Variants in DMD observed in about 807,000 individuals in gnomAD.
The protein encoded by DMD is mutant dystrophin.
DMD carries 63 observed loss-of-function variants against 330.1 expected under a neutral mutation model. That is an observed-to-expected ratio of 0.19 (90% CI 0.16 to 0.24). The LOEUF (loss-of-function observed/expected upper bound fraction) is 0.24. Ranked by LOEUF, DMD falls within the 10% of genes least tolerant of loss-of-function variation. The pLI, the probability that DMD is intolerant of heterozygous loss-of-function variation, is 1.00. For synonymous variants in DMD, 1,223 were observed against 959.8 expected (o/e 1.27, Z -5.07); for missense variants, 3,344 against 2,684.1 (o/e 1.25, Z -5.43).
chrX:32,862,912 T>C (rs1042570866), intron 2 of DMD, among the ~76,000 whole-genome samples: 7 of 110,534 alleles, frequency 6.3e-5, no homozygotes, highest in African/African-American at 1.6e-4. Flanking sequence ...AATTTTTTTA[T>C]ATTTTTAGTA....
intron 1 of DMD, among the ~76,000 whole-genome samples, chrX:33,172,416 C>T (rs1044708145): frequency 9.0e-6 from 1 of 111,644 alleles, no homozygotes; most frequent in Admixed American, 9.5e-5. Context: ...TCCATTTCCA[C>T]CAATGGAGGT....
intron 60 of DMD, among the ~76,000 whole-genome samples, chrX:31,439,828 T>C (rs1284389547): frequency 8.9e-6 from 1 of 112,079 alleles, no homozygotes; most frequent in Non-Finnish European, 1.9e-5. Context: ...TTTTCTCACC[T>C]GGTTTAGATA....
chrX:31,482,971 A>G (rs2068430776), intron 57 of DMD, among the ~76,000 whole-genome samples: 1 of 108,574 alleles, frequency 9.2e-6, no homozygotes, highest in Non-Finnish European at 1.9e-5. Flanking sequence ...CACCCTAGAT[A>G]TATGTTACGA....
chrX:32,382,628 T>C (rs866256547), intron 33 of DMD, among the ~76,000 whole-genome samples: 1 of 104,823 alleles, frequency 9.5e-6, no homozygotes, highest in Non-Finnish European at 2.0e-5. Flanking sequence ...TTTTTTTTTT[T>C]CCTAAGTAAA....
intron 7 of DMD, among the ~76,000 whole-genome samples, chrX:32,746,997 T>C (rs1490741812): frequency 8.9e-6 from 1 of 112,128 alleles, no homozygotes; most frequent in Non-Finnish European, 1.9e-5. Flanking sequence ...CTTAACAGTA[T>C]CCAGGCTCAT....
chrX:31,703,520 T>C (rs770544060), intron 52 of DMD, among the ~76,000 whole-genome samples: 1 of 112,374 alleles, frequency 8.9e-6, no homozygotes, highest in African/African-American at 3.2e-5. Context: ...CAAAGCCTTG[T>C]TTACGTGCCA....
At chrX:31,169,702 T>A in intron 73 of DMD, 101 bp from the exon 74 acceptor site, 1 of 806,291 alleles carries the variant, frequency 1.2e-6, no homozygotes, top group East Asian at 3.4e-5. Flanking sequence ...ATTTATTTGC[T>A]CTTAACAATT....
intron 2 of DMD, among the ~76,000 whole-genome samples, chrX:32,851,836 C>T (rs1019209289): frequency 2.7e-5 from 3 of 111,803 alleles, no homozygotes; most frequent in Admixed American, 9.5e-5. Context: ...ATTCATCAAG[C>T]GCACATAGAG....
intron 44 of DMD, among the ~76,000 whole-genome samples, chrX:31,988,665 A>G (rs2095528502): frequency 9.1e-6 from 1 of 109,950 alleles, no homozygotes. Flanking sequence ...CATTAACTCC[A>G]TGAAAAATTG....
intron 47 of DMD, among the ~76,000 whole-genome samples, chrX:31,897,492 C>T (rs796263442): frequency 1.0e-5 from 1 of 98,150 alleles, no homozygotes; most frequent in South Asian, 5.2e-4. Context: ...CCTGAGGAAT[C>T]GCCACACCGA....
intron 60 of DMD, among the ~76,000 whole-genome samples, chrX:31,423,552 T>C (rs1428474507): frequency 8.9e-6 from 1 of 111,965 alleles, no homozygotes; most frequent in Non-Finnish European, 1.9e-5. Flanking sequence ...TACTCTTAAT[T>C]ATGAATAAAT....
intron 4 of DMD, among the ~76,000 whole-genome samples, chrX:32,827,621 T>TC (rs1293773000): frequency 9.2e-6 from 1 of 108,956 alleles, no homozygotes; most frequent in African/African-American, 3.4e-5. Context: ...TGTCTGTTGT[T>TC]CCCCACTTTA....
intron 2 of DMD, among the ~76,000 whole-genome samples, chrX:32,861,093 C>T (rs575829751): frequency 2.7e-5 from 3 of 111,851 alleles, no homozygotes; most frequent in African/African-American, 9.7e-5. Context: ...GTAACTTCTC[C>T]GTGCCTTACT....
rs765278373 is a variant in DMD, at chrX:32,626,165, T to G, written c.1332-11712A>C. ...CTGATGAAAATTGGAATTGATTTAT[T>G]TACTTATTCAAAATGATGGCTCAGG... On this transcript the variant is annotated intron_variant, in intron 11 of 78. Coordinates refer to ENST00000357033, the MANE Select transcript of DMD (RefSeq NM_004006.3). Among the ~76,000 whole-genome samples the G allele has an allele frequency of 5.3e-5, 6 of 112,175 alleles. No homozygotes were observed. The South Asian group carries it at 2.2e-3, about 42-fold the overall frequency.
chrX:32,139,856 A>G (rs5972499), intron 44 of DMD, among the ~76,000 whole-genome samples: 11,323 of 112,077 alleles, frequency 0.1, 746 homozygotes, highest in African/African-American at 0.22. Context: ...AGAGACTGTA[A>G]GGGAAAATAG....
intron 1 of DMD, among the ~76,000 whole-genome samples, chrX:33,198,044 GAA>G (rs781212140): frequency 1.6e-4 from 18 of 111,288 alleles, no homozygotes; most frequent in Non-Finnish European, 3.0e-4. Context: ...AGCAATATTA[GAA>G]AGACCCAGTT....
intron 53 of DMD, among the ~76,000 whole-genome samples, chrX:31,677,394 A>G (rs1330725031): frequency 1.8e-5 from 2 of 111,668 alleles, no homozygotes; most frequent in African/African-American, 3.3e-5. Flanking sequence ...CATCTAACTC[A>G]AGGATCCAGT....
rs554598573 is a variant in DMD, at chrX:31,615,923, G to C, written c.8217+11750C>G. On this transcript the variant is annotated intron_variant, in intron 55 of 78. Transcript: ENST00000357033. ...TGAAAATAGTAATAACATAATATTA[G>C]CTATGTTTATTGGGTGCTTACCGTG... Among the ~76,000 whole-genome samples, 16 of 111,809 alleles carry C rather than the reference G, an allele frequency of 1.4e-4. No homozygotes were observed. The South Asian group carries it at 5.6e-3, about 39-fold the overall frequency.
At chrX:31,518,544 T>A (rs1273084328) in intron 55 of DMD, among the ~76,000 whole-genome samples, 2 of 110,612 alleles carry the variant, frequency 1.8e-5, no homozygotes, top group African/African-American at 6.6e-5. Flanking sequence ...TGGTTTTTTA[T>A]ATTATATTTT....
Sources: allele counts gnomAD v4.1 joint callset (sites outside exome capture counted in the v4.1 genomes callset), GRCh38; gene constraint gnomAD v4.1.1; transcripts MANE v1.5; gene names NCBI Gene and HGNC (gene_info 2026-07-23, HGNC 2026-07-21).